The following STS variants were observed in gnomAD, a reference collection of about 807,000 sequenced individuals.
STS encodes steroid sulfatase.
STS carries 7 observed loss-of-function variants against 26.8 expected under a neutral mutation model. The ratio of observed to expected loss-of-function variants is 0.26; its 90% CI spans 0.15 to 0.49. The LOEUF is 0.49. STS is among the 20% of genes least tolerant of loss of function. The pLI is 0.98. For synonymous variants in STS, 199 were observed against 189.4 expected (o/e 1.05, Z -0.42); for missense variants, 434 against 465.6 (o/e 0.93, Z 0.63).
intron 1 of STS, among the ~76,000 whole-genome samples, chrX:7,180,094 A>G (rs1462934300): frequency 9.0e-6 from 1 of 111,717 alleles, no homozygotes; most frequent in East Asian, 2.8e-4. Context: ...AGTTTTGTCA[A>G]AGACAATTTC....
In STS at chrX:7,257,224, A is replaced by G. The variant is rs781171118; in HGVS notation, c.138-18A>G. On this transcript the variant is annotated intron_variant, in intron 3 of 10. Transcript: ENST00000674429. The stretch of plus-strand genomic sequence containing the variant: ...ATAAATGAAAATGATCACAAATGCT[A>G]TGATTCTTTTGTTCTAGGACTCCCA... 2.5e-6 allele frequency: 3 copies of G among 1,208,544 alleles called. No individual in the cohort carries two copies. Among genetic ancestry groups the G allele is most frequent in the East Asian group, 3.0e-5 (1 of 33,821 alleles).
chrX:7,344,484 C>A (rs1399536935), intron 10 of STS, among the ~76,000 whole-genome samples: 1 of 111,107 alleles, frequency 9.0e-6, no homozygotes, highest in Admixed American at 9.5e-5. Flanking sequence ...TTCTGCCATC[C>A]ATTTGTCAGG....
At position 7,223,387 on chromosome X, in the gene STS, C is replaced by A. The variant is rs563005733; in HGVS notation, c.-4-29809C>A. Among the ~76,000 whole-genome samples, 4 of 112,286 alleles carry A rather than the reference C, an allele frequency of 3.6e-5. No homozygotes were observed. In the East Asian group the frequency reaches 1.1e-3, roughly 31 times the overall value. ...CAACAGTGTGTAAGTGTTCCATTTT[C>A]TCTGCATTCTTGACAACATCTGTTG... On this transcript the variant is annotated intron_variant, in intron 2 of 10. Transcript: ENST00000674429.
chrX:7,149,007 C>T (rs973247048), intron 1 of STS, among the ~76,000 whole-genome samples: 1 of 108,054 alleles, frequency 9.3e-6, no homozygotes, highest in Non-Finnish European at 1.9e-5. Context: ...GTTTCTATTT[C>T]GTGTTCGTTT....
At chrX:7,213,072 C>G (rs1342516036) in intron 2 of STS, among the ~76,000 whole-genome samples, 1 of 111,534 alleles carries the variant, frequency 9.0e-6, no homozygotes, top group Admixed American at 9.6e-5. Flanking sequence ...TCCCAAAGTA[C>G]CATGATTACA....
chrX:7,265,502 T>G (rs1237700355), intron 6 of STS, among the ~76,000 whole-genome samples: 1 of 112,393 alleles, frequency 8.9e-6, no homozygotes, highest in Non-Finnish European at 1.9e-5. Context: ...ATGAGGATAT[T>G]GAAGCCTGAC....
chrX:7,290,739 G>T (rs1293805463), intron 7 of STS, among the ~76,000 whole-genome samples: 3 of 111,942 alleles, frequency 2.7e-5, no homozygotes, highest in Non-Finnish European at 5.6e-5. Flanking sequence ...AACCTCTGGC[G>T]GTTAAATGTG....
chrX:7,156,012 G>A (rs996341609), intron 1 of STS, among the ~76,000 whole-genome samples: 11 of 110,052 alleles, frequency 1.0e-4, no homozygotes, highest in African/African-American at 3.3e-4. Context: ...TTAGCTGGGT[G>A]TGATGGCATG....
chrX:7,230,757 C>T (rs1922023449), intron 2 of STS, among the ~76,000 whole-genome samples: 1 of 111,379 alleles, frequency 9.0e-6, no homozygotes, highest in South Asian at 3.8e-4. Flanking sequence ...ATGGGGGAAA[C>T]TGCCCTTATG....
intron 7 of STS, among the ~76,000 whole-genome samples, chrX:7,287,559 G>C (rs1280331141): frequency 2.7e-5 from 3 of 110,070 alleles, no homozygotes; most frequent in African/African-American, 9.9e-5. Context: ...CTATCTATTT[G>C]GTCATTTTTC....
At chrX:7,252,232 G>T (rs1483103091) in intron 2 of STS, 2 of 728,970 alleles carry the variant, frequency 2.7e-6, no homozygotes, top group South Asian at 7.1e-5. Context: ...CAGAGACTTG[G>T]TTCTGGAAGT....
intron 8 of STS, 136 bp from the exon 9 acceptor site, chrX:7,325,203 T>C: frequency 1.6e-6 from 1 of 641,186 alleles, no homozygotes; most frequent in Non-Finnish European, 2.5e-6. Flanking sequence ...ATATTGCTCA[T>C]GGAATACTCA....
chrX:7,237,315 TTTG>T (rs748445677), intron 2 of STS, among the ~76,000 whole-genome samples: 2 of 109,736 alleles, frequency 1.8e-5, no homozygotes, highest in Non-Finnish European at 3.8e-5. Context: ...ACACACACTT[TTTG>T]TTGTTGTTGT....
chrX:7,147,980 G>T lies in STS; in HGVS notation c.-237G>T. 1.2e-6 allele frequency: 1 copy of T among 831,310 alleles called. No individual in the cohort carries two copies. The highest frequency in any genetic ancestry group is 1.7e-6 in the Non-Finnish European group (1 of 585,756). The allele number at this position is 831,310 out of a possible 1,213,427, so 68.5% of individuals were successfully genotyped here. A position where few individuals can be genotyped will look rare whatever the true frequency, so the allele number is the denominator to read the frequency against. On this transcript the variant is annotated 5_prime_UTR_variant, in exon 1 of 11. Coordinates refer to ENST00000674429, the MANE Select transcript of STS (RefSeq NM_001320752.2). ...CCCGCCGCGGCCCCCAGGCCGTGAC[G>T]TACCCCGCGCCGACCGTCCCCACGC...
chrX:7,214,208 A>G (rs952898030), intron 2 of STS, among the ~76,000 whole-genome samples: 7 of 112,536 alleles, frequency 6.2e-5, no homozygotes, highest in African/African-American at 2.3e-4. Context: ...CCCCTTGAAC[A>G]TGTTCCCTTT....
At chrX:7,222,778 G>A (rs1921631100) in intron 2 of STS, among the ~76,000 whole-genome samples, 1 of 110,487 alleles carries the variant, frequency 9.1e-6, no homozygotes, top group Non-Finnish European at 1.9e-5. Context: ...TATATATTTA[G>A]GGGGTACAAG....
At chrX:7,334,385 C>A (rs746622218) in intron 10 of STS, among the ~76,000 whole-genome samples, 135 of 111,710 alleles carry the variant, frequency 1.2e-3, no homozygotes, top group African/African-American at 4.1e-3. Flanking sequence ...GCTCCCTGTT[C>A]TCAACAGGGC....
At chrX:7,152,155 T>G (rs958708889) in intron 1 of STS, among the ~76,000 whole-genome samples, 4 of 109,882 alleles carry the variant, frequency 3.6e-5, no homozygotes, top group African/African-American at 1.3e-4. Flanking sequence ...GGTTTCACCA[T>G]GTTAGCCAGG....
rs967797146 is a variant in STS at position 7,214,857 on chromosome X, T to A, written c.-5+23849T>A. 8.5e-5 allele frequency among the ~76,000 whole-genome samples: 9 copies of A among 105,298 alleles called. No homozygotes were observed. The Admixed American group carries it at 9.7e-4, about 11-fold the overall frequency. The allele number at this position is 105,298 out of a possible 115,157, so 91.4% of individuals were successfully genotyped here. A position where few individuals can be genotyped will look rare whatever the true frequency, so the allele number is the denominator to read the frequency against. On this transcript the variant is annotated intron_variant, in intron 2 of 10. Coordinates refer to ENST00000674429, the MANE Select transcript of STS (RefSeq NM_001320752.2). The stretch of plus-strand genomic sequence containing the variant: ...TAATAGTCTCCAATCCCATCCAGGT[T>A]GCTGTGAATGCCATTAATTCATTCC...
Sources: allele counts gnomAD v4.1 joint callset (sites outside exome capture counted in the v4.1 genomes callset), GRCh38; gene constraint gnomAD v4.1.1; transcripts MANE v1.5; gene names NCBI Gene and HGNC (gene_info 2026-07-23, HGNC 2026-07-21).